DOCK3: variants seen among roughly 807,000 people sequenced by gnomAD.
The protein encoded by DOCK3 is dedicator of cytokinesis 3.
In DOCK3, 60 loss-of-function variants were observed where a neutral mutation model predicts 265.6. The observed-to-expected ratio is 0.23, with a 90% CI of 0.18 to 0.28. The LOEUF is 0.28. Among genes scored for constraint, DOCK3 ranks in the 10% least tolerant of loss-of-function variants. DOCK3 has a pLI of 1.00. For missense variants in DOCK3, 1,981 were observed against 2,594.3 expected, an observed-to-expected ratio of 0.76 and a Z score of 5.14; for synonymous variants, 881 against 938.0, an observed-to-expected ratio of 0.94 and a Z score of 1.11.
chr3:50,767,629 A>C (rs1021656224), intron 1 of DOCK3, among the ~76,000 whole-genome samples: 3 of 152,158 alleles, frequency 2.0e-5, no homozygotes, highest in Non-Finnish European at 4.4e-5. Context: ...TATGAACTTT[A>C]AAGTAGTTTT....
At chr3:51,045,484 A>C (rs1260802199) in intron 5 of DOCK3, among the ~76,000 whole-genome samples, 1 of 152,206 alleles carries the variant, frequency 6.6e-6, no homozygotes, top group African/African-American at 2.4e-5. Context: ...GAATTACCAG[A>C]ATTCCAGAGA....
chr3:50,719,591 A>T, intron 1 of DOCK3: 1 of 1,477,354 alleles, frequency 6.8e-7, no homozygotes, highest in Non-Finnish European at 9.4e-7. Context: ...CACCTTGCCA[A>T]AGACCACATG....
intron 1 of DOCK3, among the ~76,000 whole-genome samples, chr3:50,730,563 C>T (rs1042049286): frequency 2.0e-5 from 3 of 152,164 alleles, no homozygotes; most frequent in Non-Finnish European, 2.9e-5. Flanking sequence ...TGTGGTGGCT[C>T]ATGCCTGTAA....
intron 51 of DOCK3, among the ~76,000 whole-genome samples, chr3:51,377,197 G>A (rs2088210125): frequency 6.6e-6 from 1 of 152,226 alleles, no homozygotes; most frequent in Non-Finnish European, 1.5e-5. Flanking sequence ...CCCTAGGTGT[G>A]GAAGGAAAGG....
chr3:51,013,739 T>C (rs1331919842), intron 5 of DOCK3, among the ~76,000 whole-genome samples: 3 of 152,166 alleles, frequency 2.0e-5, no homozygotes, highest in Non-Finnish European at 4.4e-5. Context: ...CTGCAGAAGT[T>C]TCTGCTGCCT....
At chr3:51,287,846 A>C (rs939242168) in intron 27 of DOCK3, among the ~76,000 whole-genome samples, 3 of 152,208 alleles carry the variant, frequency 2.0e-5, no homozygotes, top group African/African-American at 7.2e-5. Context: ...TGTGTTCATC[A>C]CAGAACTATT....
intron 2 of DOCK3, among the ~76,000 whole-genome samples, chr3:50,829,323 C>T (rs972623698): frequency 2.0e-5 from 3 of 152,104 alleles, no homozygotes; most frequent in Non-Finnish European, 4.4e-5. Context: ...TTGATTTCTC[C>T]TAAATGTAAT....
At chr3:50,792,750 A>G (rs1207866511) in intron 2 of DOCK3, among the ~76,000 whole-genome samples, 1 of 152,218 alleles carries the variant, frequency 6.6e-6, no homozygotes, top group Admixed American at 6.5e-5. Context: ...TGATTTGCAT[A>G]CGTTAGAGCA....
intron 5 of DOCK3, among the ~76,000 whole-genome samples, chr3:51,016,403 AT>A (rs1413935511): frequency 2.5e-4 from 1 of 4,040 alleles, no homozygotes; most frequent in African/African-American, 4.1e-3. Context: ...ATTTCTACAT[AT>A]ATATATCATA....
At chr3:50,683,387 A>G (rs2034548247) in intron 1 of DOCK3, among the ~76,000 whole-genome samples, 1 of 152,336 alleles carries the variant, frequency 6.6e-6, no homozygotes, top group African/African-American at 2.4e-5. Context: ...TACGCAATTG[A>G]TAAGCCTGTC....
At chr3:50,688,775 T>C (rs2035016972) in intron 1 of DOCK3, among the ~76,000 whole-genome samples, 1 of 152,204 alleles carries the variant, frequency 6.6e-6, no homozygotes, top group Admixed American at 6.5e-5. Context: ...GTATTTTCTT[T>C]TAAATGCAGC....
intron 14 of DOCK3, among the ~76,000 whole-genome samples, chr3:51,222,023 T>A (rs78679595): frequency 0.073 from 11,106 of 152,174 alleles, 995 homozygotes; most frequent in East Asian, 0.32. Context: ...GGTGATTTTT[T>A]AAAAAATATA....
intron 1 of DOCK3, among the ~76,000 whole-genome samples, chr3:50,706,012 CAG>C (rs2036388988): frequency 6.6e-6 from 1 of 151,780 alleles, no homozygotes; most frequent in South Asian, 2.1e-4. Flanking sequence ...ACCTGAGCGA[CAG>C]AGTGAGACTC....
At chr3:50,721,140 A>G (rs1374218737) in intron 1 of DOCK3, among the ~76,000 whole-genome samples, 1 of 151,750 alleles carries the variant, frequency 6.6e-6, no homozygotes, top group Non-Finnish European at 1.5e-5. Context: ...ATTTTCTCTC[A>G]TTCTGTAGGT....
At chr3:50,682,680 G>T (rs151043086) in intron 1 of DOCK3, among the ~76,000 whole-genome samples, 73 of 152,226 alleles carry the variant, frequency 4.8e-4, no homozygotes, top group African/African-American at 1.7e-3. Context: ...GGCTTATGTC[G>T]GTATTCCCAA....
intron 2 of DOCK3, among the ~76,000 whole-genome samples, chr3:50,791,975 T>C (rs1576446775): frequency 1.3e-5 from 2 of 152,288 alleles, no homozygotes; most frequent in African/African-American, 4.8e-5. Context: ...TTAAAATAGA[T>C]TTTTCTAGTT....
chr3:50,675,384 GC>G lies in DOCK3; in HGVS notation c.37+89del. On this transcript the variant is annotated intron_variant, in intron 1 of 52. Coordinates refer to ENST00000266037, the MANE Select transcript of DOCK3 (RefSeq NM_004947.5). The surrounding 1 kb of genome is among the most constrained non-coding windows in gnomAD (Gnocchi z 6.1). ...GCCCCGCCTGGATTCGCATCCTCGT[GC>G]CCCCGCCACTGCCCGCAGGCTGCGC... is the stretch of plus-strand genomic sequence containing the variant. 1.8e-6 allele frequency: 2 copies of G among 1,121,326 alleles called. No individual in the cohort carries two copies. Among genetic ancestry groups the G allele is most frequent in the East Asian group, 4.4e-5 (1 of 22,908 alleles). The allele number at this position is 1,121,326 out of a possible 1,614,324, so 69.5% of individuals were successfully genotyped here.
chr3:51,231,389 A>G (rs1251591670), intron 19 of DOCK3, among the ~76,000 whole-genome samples: 1 of 152,006 alleles, frequency 6.6e-6, no homozygotes, highest in East Asian at 1.9e-4. Context: ...TCAGCCTCCC[A>G]AAGTGCTGGG....
intron 1 of DOCK3, among the ~76,000 whole-genome samples, chr3:50,747,524 T>G (rs2039520499): frequency 6.6e-6 from 1 of 152,184 alleles, no homozygotes; most frequent in African/African-American, 2.4e-5. Context: ...TATTTACCCT[T>G]AAGTATTTCA....
Sources: gnomAD v4.1 joint callset for allele counts (sites outside exome capture counted in the v4.1 genomes callset) on GRCh38, gnomAD v4.1.1 for gene constraint, Gnocchi (gnomAD v3.1) non-coding constraint, MANE v1.5 for transcripts, NCBI Gene and HGNC (gene_info 2026-07-23, HGNC 2026-07-21) for gene names.